COL5A1: variants seen among roughly 807,000 people sequenced by gnomAD.
COL5A1 encodes the protein collagen alpha-1(V) chain.
COL5A1 carries 16 observed loss-of-function variants against 263.7 expected under a neutral mutation model. That is an observed-to-expected ratio of 0.06 (90% CI 0.04 to 0.09). COL5A1 has a LOEUF of 0.09. Ranked by LOEUF, COL5A1 falls within the 10% of genes least tolerant of loss-of-function variation. The pLI, the probability that COL5A1 is intolerant of heterozygous loss-of-function variation, is 1.00. For missense variants in COL5A1, 2,036 were observed against 2,540.5 expected, an observed-to-expected ratio of 0.80 and a Z score of 4.27; for synonymous variants, 1,012 against 1,004.5, an observed-to-expected ratio of 1.01 and a Z score of -0.14.
At chr9:134,723,268 C>A (rs1290008111) in intron 4 of COL5A1, among the ~76,000 whole-genome samples, 1 of 152,094 alleles carries the variant, frequency 6.6e-6, no homozygotes, top group East Asian at 1.9e-4. Flanking sequence ...GAGGAAGGAC[C>A]CGGGTTGGAG....
In COL5A1 at chr9:134,821,609, G is replaced by A. The variant is rs1410128719; in HGVS notation, c.4555-488G>A. Among the ~76,000 whole-genome samples the A allele has an allele frequency of 2.6e-5, 4 of 152,280 alleles. No homozygotes were observed. The highest frequency in any genetic ancestry group is 1.9e-4 in the East Asian group (1 of 5,168). ...GAAGGGGTCTGAGCGGAGGTTCCAC[G>A]CTCCAAGGATGCAGAAAGCACATTT... On this transcript the variant is annotated intron_variant, in intron 58 of 65. Transcript: ENST00000371817. This position sits in a 1 kb window ranked among gnomAD's most constrained non-coding sequence, Gnocchi z 4.2.
At chr9:134,665,429 A>G (rs1832327493) in intron 1 of COL5A1, among the ~76,000 whole-genome samples, 3 of 152,234 alleles carry the variant, frequency 2.0e-5, no homozygotes, top group African/African-American at 7.2e-5. Flanking sequence ...TGTTAAGTAA[A>G]GCAAAGCAGA....
rs926110680 is a variant in COL5A1 at position 134,682,799 on chromosome 9, C to T, written c.110-8113C>T. On this transcript the variant is annotated intron_variant, in intron 1 of 65. Coordinates refer to ENST00000371817, the MANE Select transcript of COL5A1 (RefSeq NM_000093.5). The surrounding 1 kb of genome is among the most constrained non-coding windows in gnomAD (Gnocchi z 5.1). ...GGGAGCATCCCTGTGCATTTGTTGG[C>T]AAAAAGGAGCAGGCTCTGATGGATC... Among the ~76,000 whole-genome samples the T allele has an allele frequency of 6.6e-6, 1 of 152,084 alleles. No homozygotes were observed. Among genetic ancestry groups the T allele is most frequent in the African/African-American group, 2.4e-5 (1 of 41,412 alleles).
At chr9:134,669,052 C>T in intron 1 of COL5A1, among the ~76,000 whole-genome samples, 2 of 145,848 alleles carry the variant, frequency 1.4e-5, no homozygotes, top group Non-Finnish European at 3.0e-5. Flanking sequence ...ATCCATTCAT[C>T]TACTCATCCT....
rs769718655 is a variant in COL5A1, at chr9:134,772,762, C to T, written c.2287-28C>T. On this transcript the variant is annotated intron_variant, in intron 25 of 65. Transcript: ENST00000371817. ...AGGCTGCTTTCTGGAGTGGCACTGACTAATCAATGCTTCTTCTTTTGTGAC... is the reference window on the plus strand; with the variant it reads ...AGGCTGCTTTCTGGAGTGGCACTGATTAATCAATGCTTCTTCTTTTGTGAC... The T allele has an allele frequency of 9.9e-6, 16 of 1,612,786 alleles. No individual in the cohort carries two copies. In the South Asian group the frequency reaches 1.8e-4, roughly 18 times the overall value.
At position 134,825,665 on chromosome 9, in the gene COL5A1, C is replaced by T. The variant is rs183130562; in HGVS notation, c.4955-127C>T. On this transcript the variant is annotated intron_variant, in intron 62 of 65. Coordinates refer to ENST00000371817, the MANE Select transcript of COL5A1 (RefSeq NM_000093.5). ...CAATAAAGTAAACCCCAGAAAGGCC[C>T]GTGTTGGCGGCATTCCTGGGGCGTG... 104 of 662,364 alleles carry T rather than the reference C, an allele frequency of 1.6e-4. 1 individual carries two copies. The East Asian group carries it at 2.2e-3, about 14-fold the overall frequency. The allele number at this position is 662,364 out of a possible 1,614,324, so 41.0% of individuals were successfully genotyped here.
chr9:134,708,096 G>A (rs760754189), intron 4 of COL5A1, among the ~76,000 whole-genome samples: 72 of 152,312 alleles, frequency 4.7e-4, no homozygotes, highest in Admixed American at 3.3e-4. Context: ...GGAGGTGTCC[G>A]GGGAGGGAGG....
At chr9:134,782,006 G>A (rs1564455018) in intron 28 of COL5A1, among the ~76,000 whole-genome samples, 1 of 152,208 alleles carries the variant, frequency 6.6e-6, no homozygotes, top group African/African-American at 2.4e-5. Context: ...AGCCACCCGT[G>A]CCCTCTGCTG....
chr9:134,811,695 A>T, intron 46 of COL5A1, 96 bp downstream of exon 46: 2 of 1,127,752 alleles, frequency 1.8e-6, no homozygotes, highest in South Asian at 2.7e-5. Flanking sequence ...AAGAATGGAA[A>T]ACTAAAGCCA....
intron 32 of COL5A1, among the ~76,000 whole-genome samples, chr9:134,791,077 A>G (rs951411794): frequency 3.9e-5 from 6 of 152,200 alleles, no homozygotes; most frequent in African/African-American, 1.4e-4. Flanking sequence ...TGGATGCTCC[A>G]GATGTCCAGG....
chr9:134,715,312 CT>C (rs1834222483), intron 4 of COL5A1, among the ~76,000 whole-genome samples: 1 of 152,200 alleles, frequency 6.6e-6, no homozygotes, highest in African/African-American at 2.4e-5. Flanking sequence ...ACCTCCAGCC[CT>C]AAGGCGGTTT....
At chr9:134,795,588 A>C (rs1283683305) in intron 34 of COL5A1, among the ~76,000 whole-genome samples, 1 of 152,044 alleles carries the variant, frequency 6.6e-6, no homozygotes, top group Non-Finnish European at 1.5e-5. Context: ...GACCCCAAAG[A>C]CGGCAGCAGG....
chr9:134,782,958 G>A (rs779724379), intron 29 of COL5A1, among the ~76,000 whole-genome samples: 8 of 152,210 alleles, frequency 5.3e-5, no homozygotes, highest in African/African-American at 9.7e-5. Context: ...ACCTGTGGTC[G>A]CCAGCTCCTC....
chr9:134,756,754 C>G lies in COL5A1; in HGVS notation c.1828-11C>G, dbSNP rs771258787. 3 of 1,614,046 alleles carry G rather than the reference C, an allele frequency of 1.9e-6. No homozygotes were observed. The South Asian group carries it at 3.3e-5, about 18-fold the overall frequency. ...TCTTTTGCATTGACGGTTTTGCCTC[C>G]TTTGTTCCAGGGTCGGGCTGGGAGT... On this transcript the variant is annotated splice_polypyrimidine_tract_variant and intron_variant, in intron 16 of 65. Coordinates refer to ENST00000371817, the MANE Select transcript of COL5A1 (RefSeq NM_000093.5).
chr9:134,751,447 G>A (rs536508375), intron 13 of COL5A1, among the ~76,000 whole-genome samples: 16 of 152,350 alleles, frequency 1.1e-4, no homozygotes, highest in Admixed American at 5.9e-4. Context: ...CGTGGCTCCT[G>A]GAAGGGGCTG....
chr9:134,732,904 T>G (rs911875035), intron 9 of COL5A1, among the ~76,000 whole-genome samples: 2 of 152,038 alleles, frequency 1.3e-5, no homozygotes, highest in Non-Finnish European at 2.9e-5. Flanking sequence ...GCCACTAAGG[T>G]CTTGATGCCC....
At chr9:134,760,983 C>T (rs115534692) in intron 18 of COL5A1, among the ~76,000 whole-genome samples, 3,916 of 142,060 alleles carry the variant, frequency 0.028, 44 homozygotes, top group East Asian at 0.058. Context: ...TATACCACCC[C>T]GATACACACA....
At chr9:134,738,580 C>A in intron 10 of COL5A1, 65 bp downstream of exon 10, 2 of 1,595,150 alleles carry the variant, frequency 1.3e-6, no homozygotes, top group Non-Finnish European at 8.6e-7. Context: ...GTTGGTGACA[C>A]CCCTTATGTC....
Position 134,821,844 on chromosome 9 carries a change from T to G in COL5A1, c.4555-253T>G, listed in dbSNP as rs144367107. On this transcript the variant is annotated intron_variant, in intron 58 of 65. Coordinates refer to ENST00000371817, the MANE Select transcript of COL5A1 (RefSeq NM_000093.5). This position sits in a 1 kb window ranked among gnomAD's most constrained non-coding sequence, Gnocchi z 4.2. ...TCCTCGGTGGCCTGGGGGATGAGAG[T>G]GAGTTCCTGGCAGCCCAGCCGGGGG... Among the ~76,000 whole-genome samples the G allele has an allele frequency of 6.6e-6, 1 of 151,432 alleles. No homozygotes were observed. The highest frequency in any genetic ancestry group is 1.5e-5 in the Non-Finnish European group (1 of 67,818).
Sources: allele counts gnomAD v4.1 joint callset (sites outside exome capture counted in the v4.1 genomes callset), GRCh38; gene constraint gnomAD v4.1.1; non-coding constraint Gnocchi (gnomAD v3.1); transcripts MANE v1.5; gene names NCBI Gene and HGNC (gene_info 2026-07-23, HGNC 2026-07-21).